The following ODAD3 variants were observed in gnomAD, a reference collection of about 807,000 sequenced individuals.
ODAD3 encodes the protein outer dynein arm docking complex subunit 3.
Under a neutral mutation model 70.9 loss-of-function variants are expected in ODAD3, and 57 were observed. The ratio of observed to expected loss-of-function variants is 0.80; its 90% CI spans 0.65 to 1.00. ODAD3 has a LOEUF of 1.00. ODAD3 is among the 50% of genes least tolerant of loss of function. The pLI is 0.00. For synonymous variants in ODAD3, 327 were observed against 315.9 expected, an observed-to-expected ratio of 1.04 and a Z score of -0.37; for missense variants, 797 against 763.9, an observed-to-expected ratio of 1.04 and a Z score of -0.51.
intron 1 of ODAD3, among the ~76,000 whole-genome samples, chr19:11,431,475 C>T (rs1323169863): frequency 6.6e-6 from 1 of 151,742 alleles, no homozygotes; most frequent in Non-Finnish European, 1.5e-5. Context: ...AAAACCGCAT[C>T]TCTACTAAAA....
intron 1 of ODAD3, among the ~76,000 whole-genome samples, chr19:11,431,970 G>A (rs1015972962): frequency 6.9e-5 from 10 of 145,224 alleles, no homozygotes; most frequent in Admixed American, 1.4e-4. Flanking sequence ...AAAATTAGCC[G>A]GGCATGATGG....
intron 7 of ODAD3, among the ~76,000 whole-genome samples, chr19:11,425,337 A>C (rs911302904): frequency 7.8e-6 from 1 of 127,836 alleles, no homozygotes; most frequent in Non-Finnish European, 1.6e-5. Flanking sequence ...ACATATGTGT[A>C]TATATGTATA....
At chr19:11,431,942 CAA>C (rs71164201) in intron 1 of ODAD3, among the ~76,000 whole-genome samples, 23 of 64,040 alleles carry the variant, frequency 3.6e-4, no homozygotes, top group Admixed American at 1.1e-3. Flanking sequence ...GACTCTGCCT[CAA>C]AAAAAAAAAA....
Position 11,432,801 on chromosome 19 carries a change from T to C in ODAD3, c.245-1781A>G, listed in dbSNP as rs542170128. On this transcript the variant is annotated intron_variant, in intron 1 of 12. Coordinates refer to ENST00000356392, the MANE Select transcript of ODAD3 (RefSeq NM_145045.5). Reference sequence around the variant, plus strand: ...ACAAGCAACCATGCAAGATTACCCTTTTTTTTTTTTAAGACGGAATCTCAC... The same window carrying C: ...ACAAGCAACCATGCAAGATTACCCTCTTTTTTTTTTAAGACGGAATCTCAC... Among the ~76,000 whole-genome samples the C allele has an allele frequency of 3.4e-5, 5 of 148,338 alleles. No homozygotes were observed. The South Asian group carries it at 1.1e-3, about 32-fold the overall frequency.
intron 3 of ODAD3, 47 bp downstream of exon 3, chr19:11,430,652 G>T: frequency 6.3e-7 from 1 of 1,581,786 alleles, no homozygotes; most frequent in Non-Finnish European, 8.7e-7. Flanking sequence ...GTGGTGAGGG[G>T]ACCCAGGCTG....
chr19:11,422,798 C>A lies in ODAD3; in HGVS notation c.1180G>T (p.Glu394Ter), dbSNP rs774998681. The A allele has an allele frequency of 6.2e-7, 1 of 1,610,038 alleles. No homozygotes were observed. Among genetic ancestry groups the A allele is most frequent in the Admixed American group, 1.7e-5 (1 of 60,026 alleles). The part of the protein sequence containing the change: ...TFAQLETLKS[E>*]NEQTLVRLKQ... ...AGCCTCACCAACGTCTGCTCGTTCTCGCTCTTGAGCGTCTCCAACTGCGCG... is the reference window on the plus strand; with the variant it reads ...AGCCTCACCAACGTCTGCTCGTTCTAGCTCTTGAGCGTCTCCAACTGCGCG... The change falls in exon 9 of 13, where the codon GAG becomes TAG. Residue 394 changes from glutamate to a stop codon, truncating the protein, a stop_gained. Transcript: ENST00000356392. LOFTEE classifies it high-confidence loss of function. This position sits in a 1 kb window ranked among gnomAD's most constrained non-coding sequence, Gnocchi z 4.6.
chr19:11,435,251 G>A (rs1253328282), upstream of ODAD3: 7 of 1,354,204 alleles, frequency 5.2e-6, no homozygotes, highest in African/African-American at 1.0e-4. Context: ...CATTGGCTGA[G>A]GCTGCATAGA....
intron 8 of ODAD3, among the ~76,000 whole-genome samples, chr19:11,423,675 TG>T (rs1159957002): frequency 3.9e-5 from 6 of 152,078 alleles, no homozygotes; most frequent in Non-Finnish European, 8.8e-5. Context: ...CTAGGGGTTT[TG>T]CTGCGAAGGG....
chr19:11,421,658 C>A lies in ODAD3; in HGVS notation c.1590+19G>T. 6.2e-7 allele frequency: 1 copy of A among 1,607,444 alleles called. No individual in the cohort carries two copies. Among genetic ancestry groups the A allele is most frequent in the East Asian group, 2.2e-5 (1 of 44,810 alleles). Reference sequence around the variant, plus strand: ...CTACTCCTAGATCTCTGGAGCTCTGCCCCATGGCTGCAGGGCACCTCGCGG... The same window carrying A: ...CTACTCCTAGATCTCTGGAGCTCTGACCCATGGCTGCAGGGCACCTCGCGG... On this transcript the variant is annotated intron_variant, in intron 11 of 12. Coordinates refer to ENST00000356392, the MANE Select transcript of ODAD3 (RefSeq NM_145045.5).
At chr19:11,425,792 A>T (rs1324851783) in intron 7 of ODAD3, among the ~76,000 whole-genome samples, 1 of 151,262 alleles carries the variant, frequency 6.6e-6, no homozygotes, top group Non-Finnish European at 1.5e-5. Flanking sequence ...GGGCGGGGCC[A>T]AGAGTGAGGG....
At chr19:11,428,115 TTA>T (rs1237387989) in intron 3 of ODAD3, among the ~76,000 whole-genome samples, 4 of 148,840 alleles carry the variant, frequency 2.7e-5, no homozygotes, top group Admixed American at 2.7e-4. Flanking sequence ...AAAAAAAAAA[TTA>T]TAGAGGCAGG....
intron 3 of ODAD3, among the ~76,000 whole-genome samples, chr19:11,428,854 TTTTA>T (rs1249409932): frequency 6.8e-6 from 1 of 148,000 alleles, no homozygotes; most frequent in South Asian, 2.2e-4. Context: ...CTAGACTGTG[TTTTA>T]TTTTTTATTT....
chr19:11,425,065 A>ATATGTG (rs1969264237), intron 7 of ODAD3, among the ~76,000 whole-genome samples: 1 of 128,506 alleles, frequency 7.8e-6, no homozygotes, highest in Non-Finnish European at 1.5e-5. Flanking sequence ...GTATATGTGT[A>ATATGTG]TATATGTATA....
intron 1 of ODAD3, among the ~76,000 whole-genome samples, chr19:11,434,215 AAAAC>A (rs1236327735): frequency 1.5e-5 from 2 of 137,430 alleles, no homozygotes; most frequent in Non-Finnish European, 1.5e-5. Flanking sequence ...CCTGTCTCAA[AAAAC>A]AAAAAACAAA....
intron 1 of ODAD3, among the ~76,000 whole-genome samples, chr19:11,432,671 G>A (rs1014492354): frequency 9.9e-5 from 15 of 152,090 alleles, no homozygotes; most frequent in African/African-American, 3.1e-4. Flanking sequence ...AGAGGTTTCC[G>A]AATGCCATAT....
At position 11,423,953 on chromosome 19, in the gene ODAD3, C is replaced by T. The variant is rs773425892; in HGVS notation, c.1040G>A (p.Arg347Gln). ...CATCTGGTACATGCTCCAGCGCTGCCGCAGCTCCTCCTCCTTGGCATGCAG... is the reference window on the plus strand; with the variant it reads ...CATCTGGTACATGCTCCAGCGCTGCTGCAGCTCCTCCTCCTTGGCATGCAG... Reference protein sequence around the residue: ...DSLHAKEEELRQRWSMYQMEV... With the variant: ...DSLHAKEEELQQRWSMYQMEV... The change falls in exon 8 of 13, where the codon CGG becomes CAG. Residue 347 changes from arginine (R) to glutamine (Q), a missense_variant. Coordinates refer to ENST00000356392, the MANE Select transcript of ODAD3 (RefSeq NM_145045.5). The T allele has an allele frequency of 6.2e-7, 1 of 1,613,340 alleles. No homozygotes were observed. Among genetic ancestry groups the T allele is most frequent in the Non-Finnish European group, 8.5e-7 (1 of 1,179,964 alleles).
intron 1 of ODAD3, 165 bp from the exon 2 acceptor site, chr19:11,431,185 C>T: frequency 1.2e-6 from 1 of 827,792 alleles, no homozygotes; most frequent in Non-Finnish European, 1.8e-6. Flanking sequence ...AATCTCGGCT[C>T]ACCACAGCCT....
rs1969167431 is a variant in ODAD3 at position 11,422,667 on chromosome 19, C to A, written c.1277+34G>T. On this transcript the variant is annotated intron_variant, in intron 9 of 12. Coordinates refer to ENST00000356392, the MANE Select transcript of ODAD3 (RefSeq NM_145045.5). This position sits in a 1 kb window ranked among gnomAD's most constrained non-coding sequence, Gnocchi z 4.6. ...GAGGTCACCCCGGGGGCTCAGCCCG[C>A]CCCGCCGCCCTCCCCAGAGCCCCGG... The A allele has an allele frequency of 6.2e-7, 1 of 1,606,462 alleles. No individual in the cohort carries two copies. The highest frequency in any genetic ancestry group is 2.2e-5 in the East Asian group (1 of 44,766).
Position 11,426,200 on chromosome 19 carries a change from C to CA in ODAD3, c.906dup (p.Glu303Ter). On this transcript the variant is annotated frameshift_variant, in exon 7 of 13. Coordinates refer to ENST00000356392, the MANE Select transcript of ODAD3 (RefSeq NM_145045.5). LOFTEE classifies it high-confidence loss of function. Reference sequence around the variant, plus strand: ...TTCTCCTCGGCGCGCTTCTTGCACTCACTTATGTAGCGTTCCCGCTTCTTG... The same window carrying CA: ...TTCTCCTCGGCGCGCTTCTTGCACTCAACTTATGTAGCGTTCCCGCTTCTTG... The CA allele has an allele frequency of 6.2e-7, 1 of 1,613,810 alleles. No individual in the cohort carries two copies. The highest frequency in any genetic ancestry group is 8.5e-7 in the Non-Finnish European group (1 of 1,179,914).
Sources: allele counts gnomAD v4.1 joint callset (sites outside exome capture counted in the v4.1 genomes callset), GRCh38; gene constraint gnomAD v4.1.1; non-coding constraint Gnocchi (gnomAD v3.1); transcripts MANE v1.5; gene names NCBI Gene and HGNC (gene_info 2026-07-23, HGNC 2026-07-21).